The following SLC12A7 variants were observed in gnomAD, a reference collection of about 807,000 sequenced individuals.
SLC12A7 encodes solute carrier family 12 member 7.
A neutral mutation model predicts 120.6 loss-of-function variants in SLC12A7; 100 were observed. The ratio of observed to expected loss-of-function variants is 0.83; its 90% confidence interval spans 0.71 to 0.98. SLC12A7 has a LOEUF of 0.98. Among genes scored for constraint, SLC12A7 ranks in the 50% least tolerant of loss-of-function variants. The probability of loss-of-function intolerance (pLI) is 0.00; values close to 1 mark genes in which losing one functional copy is unlikely to be tolerated. For missense variants in SLC12A7, 1,373 were observed against 1,548.1 expected (o/e 0.89, Z 1.90); for synonymous variants, 760 against 678.0 (o/e 1.12, Z -1.88).
chr5:1,057,459 A>C lies in SLC12A7; in HGVS notation c.3026+12T>G, dbSNP rs756888966. On this transcript the variant is annotated intron_variant, in intron 22 of 23. Transcript: ENST00000264930. ...GATCTGTTCCCCCCAGGCCACACGCACGGACACTCACGGCTTCATGCTGAA... is the reference window on the plus strand; with the variant it reads ...GATCTGTTCCCCCCAGGCCACACGCCCGGACACTCACGGCTTCATGCTGAA... 1.9e-6 allele frequency: 3 copies of C among 1,604,078 alleles called. No individual in the cohort carries two copies. Among genetic ancestry groups the C allele is most frequent in the African/African-American group, 2.7e-5 (2 of 74,804 alleles).
In SLC12A7 at chr5:1,050,823, C is replaced by T; in HGVS notation, c.*1537G>A. ...GATGTCTGGGACACGCTCTGGGCAGCAGCCGTCACTCTACAGCAATGCCAG... is the reference window on the plus strand; with the variant it reads ...GATGTCTGGGACACGCTCTGGGCAGTAGCCGTCACTCTACAGCAATGCCAG... On this transcript the variant is annotated 3_prime_UTR_variant, in exon 24 of 24. Coordinates refer to ENST00000264930, the MANE Select transcript of SLC12A7 (RefSeq NM_006598.3). The T allele has an allele frequency of 2.5e-6, 1 of 398,618 alleles. No homozygotes were observed. Among genetic ancestry groups the T allele is most frequent in the East Asian group, 3.6e-5 (1 of 28,084 alleles). 24.7% of individuals were successfully genotyped at this position (398,618 alleles called of 1,614,324 possible). A position where few individuals can be genotyped will look rare whatever the true frequency, so the allele number is the denominator to read the frequency against.
At position 1,094,157 on chromosome 5, in the gene SLC12A7, G is replaced by C. The variant is rs34071919; in HGVS notation, c.216C>G (p.Phe72Leu). The C allele has an allele frequency of 6.2e-7, 1 of 1,610,632 alleles. No homozygotes were observed. The highest frequency in any genetic ancestry group is 8.5e-7 in the Non-Finnish European group (1 of 1,177,392). The change falls in exon 2 of 24, where the codon TTC becomes TTG. Residue 72 changes from phenylalanine (F) to leucine (L), a missense_variant. Transcript: ENST00000264930. ...SFFEGKNMALFEEEMDSNPMV... is the reference protein window; with the variant it reads ...SFFEGKNMALLEEEMDSNPMV... ...TTCTTCTAAAAAGTAAAGTTACCTC[G>C]AAAAGTGCCATGTTCTTCCCTTCAA...
intron 1 of SLC12A7, among the ~76,000 whole-genome samples, chr5:1,098,013 C>T (rs1264479357): frequency 2.6e-5 from 4 of 151,960 alleles, no homozygotes; most frequent in Admixed American, 1.3e-4. Flanking sequence ...GTCATGGGCT[C>T]AATGCCATCC....
At position 1,074,547 on chromosome 5, in the gene SLC12A7, G is replaced by A. The variant is rs189110384; in HGVS notation, c.2072+20C>T. 7.4e-5 allele frequency: 119 copies of A among 1,599,606 alleles called. No individual in the cohort carries two copies. In the African/African-American group the frequency reaches 7.9e-4, roughly 11 times the overall value. On this transcript the variant is annotated intron_variant, in intron 16 of 23. Transcript: ENST00000264930. ...GCTCTTCTGTGCGTCTGAGGACCAC[G>A]GGGCATGGGCGGTGCTCACCTCCAG...
At chr5:1,114,389 A>G (rs1743230299), upstream of SLC12A7, among the ~76,000 whole-genome samples, 1 of 152,156 alleles carries the variant, frequency 6.6e-6, no homozygotes. Context: ...CCTGCGGGTC[A>G]AGACAGAGAC....
At chr5:1,117,707 T>A in the SLC12A7 span, among the ~76,000 whole-genome samples, 2 of 152,322 alleles carry the variant, frequency 1.3e-5, no homozygotes, top group Non-Finnish European at 2.9e-5. The surrounding 1 kb of genome is among the most constrained non-coding windows in gnomAD (Gnocchi z 4.5). Flanking sequence ...CAATTCCCTA[T>A]GAGTTCATCT....
At chr5:1,128,795 T>G in the SLC12A7 span, among the ~76,000 whole-genome samples, 1 of 152,222 alleles carries the variant, frequency 6.6e-6, no homozygotes, top group Non-Finnish European at 1.5e-5. Context: ...CTGCCTGGTC[T>G]CTACACGGCT....
intron 3 of SLC12A7, 99 bp downstream of exon 3, chr5:1,093,433 AG>A: frequency 8.1e-7 from 1 of 1,227,578 alleles, no homozygotes; most frequent in Non-Finnish European, 1.1e-6. Context: ...ACCAGAGCTC[AG>A]GGCAGCTCTT....
chr5:1,136,640 C>T, the SLC12A7 span, among the ~76,000 whole-genome samples: 7 of 133,750 alleles, frequency 5.2e-5, no homozygotes, highest in East Asian at 6.8e-4. Flanking sequence ...CACCAGGACA[C>T]GCAGGCACAC....
At chr5:1,120,911 C>G in the SLC12A7 span, among the ~76,000 whole-genome samples, 9 of 152,350 alleles carry the variant, frequency 5.9e-5, 1 homozygote, top group African/African-American at 1.9e-4. Context: ...CGCTTCGACG[C>G]GAAGGGCTCC....
chr5:1,134,955 C>T, the SLC12A7 span, among the ~76,000 whole-genome samples: 12 of 152,116 alleles, frequency 7.9e-5, no homozygotes, highest in African/African-American at 2.7e-4. Flanking sequence ...GGTGAAACCC[C>T]GTCTCTACCA....
the SLC12A7 span, among the ~76,000 whole-genome samples, chr5:1,122,930 C>T: frequency 4.6e-5 from 7 of 152,272 alleles, no homozygotes; most frequent in East Asian, 3.8e-4. Context: ...GCCCCACGTG[C>T]GCACGCACAA....
intron 6 of SLC12A7, among the ~76,000 whole-genome samples, chr5:1,085,974 G>A (rs1292747710): frequency 6.6e-6 from 1 of 152,212 alleles, no homozygotes; most frequent in Non-Finnish European, 1.5e-5. Flanking sequence ...TTCAAGGGAA[G>A]GGACGGAGAC....
the SLC12A7 span, among the ~76,000 whole-genome samples, chr5:1,146,616 G>A: frequency 2.0e-5 from 3 of 152,114 alleles, no homozygotes; most frequent in Non-Finnish European, 4.4e-5. The surrounding 1 kb of genome is among the most constrained non-coding windows in gnomAD (Gnocchi z 6.5). Flanking sequence ...CCTCCCTTTC[G>A]GAATTTAGGA....
At chr5:1,130,973 G>A in the SLC12A7 span, among the ~76,000 whole-genome samples, 1 of 152,152 alleles carries the variant, frequency 6.6e-6, no homozygotes, top group African/African-American at 2.4e-5. Flanking sequence ...TCTGAGGGCT[G>A]CTGGGGGCCC....
intron 18 of SLC12A7, among the ~76,000 whole-genome samples, chr5:1,064,849 G>A (rs1161203438): frequency 2.2e-5 from 3 of 135,596 alleles, no homozygotes; most frequent in East Asian, 2.3e-4. Flanking sequence ...AAGCGACGGC[G>A]AGGAGACGGC....
Position 1,057,490 on chromosome 5 carries a change from C to G in SLC12A7, c.3007G>C (p.Asp1003His). 6.2e-7 allele frequency: 1 copy of G among 1,612,592 alleles called. No individual in the cohort carries two copies. The highest frequency in any genetic ancestry group is 8.5e-7 in the Non-Finnish European group (1 of 1,179,764). ...SRDTSLSGFK[D>H]LFSMKPDQSN... ...ACTCACGGCTTCATGCTGAAGAGGT[C>G]TTTGAAACCAGATAGGCTGGTGTCT... The change falls in exon 22 of 24, where the codon GAC (aspartate) becomes CAC (histidine). Residue 1003 changes from aspartate (D) to histidine (H), a missense_variant. Physicochemically the swap from Asp to His is moderately conservative, Grantham distance 81. Transcript: ENST00000264930.
chr5:1,103,095 T>C (rs1435792695), intron 1 of SLC12A7, among the ~76,000 whole-genome samples: 1 of 152,082 alleles, frequency 6.6e-6, no homozygotes, highest in Non-Finnish European at 1.5e-5. Flanking sequence ...CCCTAAAATC[T>C]AGAAACTGAG....
intron 1 of SLC12A7, among the ~76,000 whole-genome samples, chr5:1,095,021 G>C (rs866745235): frequency 4.0e-4 from 50 of 123,876 alleles, no homozygotes; most frequent in African/African-American, 1.0e-3. Flanking sequence ...GGAGGTGGGG[G>C]CGGTAGGAGG....
Sources: gnomAD v4.1 joint callset for allele counts (sites outside exome capture counted in the v4.1 genomes callset) on GRCh38, gnomAD v4.1.1 for gene constraint, Gnocchi (gnomAD v3.1) non-coding constraint, MANE v1.5 for transcripts, NCBI Gene and HGNC (gene_info 2026-07-23, HGNC 2026-07-21) for gene names.